The following KCNT2 variants were observed in gnomAD, a reference collection of about 807,000 sequenced individuals.
KCNT2 encodes potassium channel subfamily T member 2.
Under a neutral mutation model 153.8 loss-of-function variants are expected in KCNT2, and 67 were observed. The observed-to-expected ratio is 0.44, with a 90% confidence interval of 0.36 to 0.53. KCNT2 has a LOEUF of 0.53. Among genes scored for constraint, KCNT2 ranks in the 20% least tolerant of loss-of-function variants. The pLI is 0.00. For synonymous variants in KCNT2, 500 were observed against 458.8 expected (o/e 1.09, Z -1.15); for missense variants, 975 against 1,354.8 (o/e 0.72, Z 4.40).
At chr1:196,325,225 C>A (rs578245030) in intron 19 of KCNT2, among the ~76,000 whole-genome samples, 33 of 152,194 alleles carry the variant, frequency 2.2e-4, no homozygotes, top group African/African-American at 5.3e-4. Flanking sequence ...TGTCCTTAGT[C>A]CTATCAGAAA....
intron 21 of KCNT2, among the ~76,000 whole-genome samples, chr1:196,315,645 T>C (rs1662638485): frequency 6.6e-6 from 1 of 151,748 alleles, no homozygotes; most frequent in Non-Finnish European, 1.5e-5. Context: ...TTTGCTACTG[T>C]TAAACTATCT....
At chr1:196,272,399 G>T (rs1449004658) in intron 25 of KCNT2, among the ~76,000 whole-genome samples, 2 of 151,740 alleles carry the variant, frequency 1.3e-5, no homozygotes, top group South Asian at 2.1e-4. Context: ...TCGAAGAAAG[G>T]CCATGAAGTT....
At chr1:196,293,827 G>C (rs1660419105) in intron 22 of KCNT2, among the ~76,000 whole-genome samples, 1 of 134,678 alleles carries the variant, frequency 7.4e-6, no homozygotes, top group Non-Finnish European at 1.6e-5. Flanking sequence ...AAACAAATGG[G>C]ATTATAACAA....
At position 196,320,545 on chromosome 1, in the gene KCNT2, A is replaced by T. The variant is rs1240549982; in HGVS notation, c.2277-990T>A. 2.0e-5 allele frequency among the ~76,000 whole-genome samples: 3 copies of T among 151,820 alleles called. No individual in the cohort carries two copies. The Admixed American group carries it at 2.0e-4, about 10-fold the overall frequency. ...AAGGATTAGTAGGAGTTTGTTCAGC[A>T]TATGAGGAGGAGAAGAAAATTCTAG... On this transcript the variant is annotated intron_variant, in intron 19 of 27. Transcript: ENST00000294725.
At chr1:196,248,747 C>T (rs1356315497) in intron 26 of KCNT2, among the ~76,000 whole-genome samples, 1 of 152,162 alleles carries the variant, frequency 6.6e-6, no homozygotes, top group African/African-American at 2.4e-5. Flanking sequence ...CAATCCTACT[C>T]AACCTATTCC....
chr1:196,482,271 C>T, intron 4 of KCNT2, 60 bp downstream of exon 4: 1 of 1,072,298 alleles, frequency 9.3e-7, no homozygotes, highest in Non-Finnish European at 1.4e-6. Context: ...TCCAATAGTA[C>T]TTCTCTGTGA....
intron 1 of KCNT2, among the ~76,000 whole-genome samples, chr1:196,583,974 T>C (rs905955196): frequency 3.9e-5 from 6 of 151,944 alleles, no homozygotes; most frequent in Admixed American, 3.9e-4. Flanking sequence ...TAGAGTTACA[T>C]GGTGGGATGT....
At chr1:196,469,113 T>G (rs1270713219) in intron 5 of KCNT2, 45 bp from the exon 6 acceptor site, 1 of 1,142,522 alleles carries the variant, frequency 8.8e-7, no homozygotes, top group South Asian at 1.3e-5. Flanking sequence ...TTATACTGCC[T>G]CCTATTAAAG....
chr1:196,242,529 A>G (rs1399509316), intron 26 of KCNT2, among the ~76,000 whole-genome samples: 8 of 152,260 alleles, frequency 5.3e-5, no homozygotes, highest in East Asian at 1.9e-4. Context: ...AAGCTTTCCA[A>G]TTTTGCAGCT....
chr1:196,346,436 A>G (rs1402809905), intron 14 of KCNT2, among the ~76,000 whole-genome samples: 1 of 152,160 alleles, frequency 6.6e-6, no homozygotes, highest in African/African-American at 2.4e-5. Flanking sequence ...TCCTTTATCA[A>G]ACACCAAATT....
intron 8 of KCNT2, among the ~76,000 whole-genome samples, chr1:196,433,761 C>T (rs1674366372): frequency 1.3e-5 from 2 of 151,778 alleles, no homozygotes; most frequent in African/African-American, 4.8e-5. Flanking sequence ...AGATAATCTC[C>T]TTATTTGTCT....
At chr1:196,301,185 A>G (rs1661151586) in intron 22 of KCNT2, among the ~76,000 whole-genome samples, 1 of 152,170 alleles carries the variant, frequency 6.6e-6, no homozygotes, top group African/African-American at 2.4e-5. Context: ...CCCAGGCCAT[A>G]TTATATGTTC....
intron 12 of KCNT2, among the ~76,000 whole-genome samples, chr1:196,418,450 A>C (rs1672927080): frequency 6.6e-6 from 1 of 152,038 alleles, no homozygotes; most frequent in Admixed American, 6.6e-5. Context: ...GGGGCAAGAA[A>C]AGCAAAACTC....
intron 1 of KCNT2, among the ~76,000 whole-genome samples, chr1:196,557,753 T>G (rs1174475911): frequency 2.0e-5 from 3 of 151,382 alleles, no homozygotes; most frequent in African/African-American, 7.3e-5. Context: ...AAACTTCAAT[T>G]TTTTGAAGAC....
chr1:196,246,488 G>A (rs1301468898), intron 26 of KCNT2, among the ~76,000 whole-genome samples: 3 of 152,032 alleles, frequency 2.0e-5, no homozygotes, highest in East Asian at 3.9e-4. Context: ...TTGTAATAGT[G>A]GTGGGTAAAT....
intron 14 of KCNT2, among the ~76,000 whole-genome samples, chr1:196,349,476 C>T (rs751686304): frequency 1.3e-5 from 2 of 152,070 alleles, no homozygotes; most frequent in Non-Finnish European, 2.9e-5. Flanking sequence ...ATGGTAACCA[C>T]ATGATGCCTA....
intron 8 of KCNT2, among the ~76,000 whole-genome samples, chr1:196,434,873 G>A (rs1674481569): frequency 6.6e-6 from 1 of 151,598 alleles, no homozygotes. Flanking sequence ...GTCTACTAGA[G>A]GATGAGAGGC....
chr1:196,346,184 C>A (rs1036604923), intron 14 of KCNT2, among the ~76,000 whole-genome samples: 15 of 151,894 alleles, frequency 9.9e-5, no homozygotes, highest in African/African-American at 3.6e-4. Flanking sequence ...ATAATTAAAG[C>A]TTTTTGTTTG....
intron 1 of KCNT2, among the ~76,000 whole-genome samples, chr1:196,518,282 C>T (rs920326492): frequency 3.3e-5 from 5 of 151,784 alleles, no homozygotes; most frequent in Admixed American, 6.6e-5. Context: ...TTTGGAAAGC[C>T]AAAACCATTA....
Sources: allele counts gnomAD v4.1 joint callset (sites outside exome capture counted in the v4.1 genomes callset), GRCh38; gene constraint gnomAD v4.1.1; transcripts MANE v1.5; gene names NCBI Gene and HGNC (gene_info 2026-07-23, HGNC 2026-07-21).